The following AGO4 variants were observed in gnomAD, a reference collection of about 807,000 sequenced individuals.
AGO4 encodes argonaute RISC component 4, also known as protein argonaute-4.
Under a neutral mutation model 104.7 loss-of-function variants are expected in AGO4, and 33 were observed. That is an observed-to-expected ratio of 0.32 (90% CI 0.24 to 0.42). AGO4 has a LOEUF of 0.42. AGO4 is among the 10% of genes least tolerant of loss of function. The pLI, the probability that AGO4 is intolerant of heterozygous loss-of-function variation, is 1.00. For missense variants in AGO4, 711 were observed against 1,083.4 expected, an observed-to-expected ratio of 0.66 and a Z score of 4.83; for synonymous variants, 331 against 364.7, an observed-to-expected ratio of 0.91 and a Z score of 1.05.
In AGO4 at chr1:35,850,191, C is replaced by A; in HGVS notation, c.2210C>A (p.Thr737Lys). ...AGTGGCAATGTACCAGCAGGCACTA[C>A]AGTGGATAGTACCATCACACATCCA... Reference protein sequence around the residue: ...GKSGNVPAGTTVDSTITHPSE... With the variant: ...GKSGNVPAGTKVDSTITHPSE... The change falls in exon 16 of 18, where the codon ACA becomes AAA. Residue 737 changes from threonine to lysine, a missense_variant. This residue lies in a region of AGO4 where 401 missense variants were observed against 665.5 expected (regional missense o/e 0.60). Transcript: ENST00000373210. The A allele has an allele frequency of 6.2e-7, 1 of 1,611,712 alleles. No individual in the cohort carries two copies. Among genetic ancestry groups the A allele is most frequent in the East Asian group, 2.2e-5 (1 of 44,712 alleles).
rs1643382726 is a variant in AGO4 at position 35,808,652 on chromosome 1, G to T, written c.19+217G>T. 6.6e-6 allele frequency among the ~76,000 whole-genome samples: 1 copy of T among 152,122 alleles called. No individual in the cohort carries two copies. Among genetic ancestry groups the T allele is most frequent in the African/African-American group, 2.4e-5 (1 of 41,454 alleles). ...GTTGGGTGGATCCCGAGGTCCAGGGGGGAGGTTCGGGAAGGTGACCGGCGC... is the reference window on the plus strand; with the variant it reads ...GTTGGGTGGATCCCGAGGTCCAGGGTGGAGGTTCGGGAAGGTGACCGGCGC... On this transcript the variant is annotated intron_variant, in intron 1 of 17. Transcript: ENST00000373210. This position sits in a 1 kb window ranked among gnomAD's most constrained non-coding sequence, Gnocchi z 5.2.
intron 1 of AGO4, among the ~76,000 whole-genome samples, chr1:35,809,336 C>A (rs909928545): frequency 2.0e-5 from 3 of 152,172 alleles, no homozygotes; most frequent in Admixed American, 2.0e-4. Context: ...CTAAGTAGCT[C>A]AGTGTTTAGG....
At position 35,834,110 on chromosome 1, in the gene AGO4, G is replaced by C; in HGVS notation, c.1500G>C (p.Leu500=). 6.2e-7 allele frequency: 1 copy of C among 1,611,316 alleles called. No homozygotes were observed. The highest frequency in any genetic ancestry group is 8.5e-7 in the Non-Finnish European group (1 of 1,178,900). Residue 500 remains leucine (L), a synonymous_variant, in exon 12 of 18, where the codon CTG becomes CTC. Transcript: ENST00000373210. The stretch of plus-strand genomic sequence containing the variant: ...GTGTGGAGCCTATGTTTAAACATCT[G>C]AAAATGACTTATGTGGGCCTACAGC... The part of the protein sequence containing the change: ...ADSVEPMFKH[L]KMTYVGLQLI...
At chr1:35,838,060 A>G (rs1028339767) in intron 13 of AGO4, among the ~76,000 whole-genome samples, 1 of 149,030 alleles carries the variant, frequency 6.7e-6, no homozygotes, top group African/African-American at 2.5e-5. Context: ...TTATTTATTT[A>G]TGTATTTATT....
intron 7 of AGO4, among the ~76,000 whole-genome samples, chr1:35,827,683 A>G (rs1398153076): frequency 6.6e-6 from 1 of 151,994 alleles, no homozygotes; most frequent in African/African-American, 2.4e-5. Context: ...TCTTAAGTAG[A>G]GTATGTTAAA....
Position 35,837,309 on chromosome 1 carries a change from C to T in AGO4, c.1724+1316C>T, listed in dbSNP as rs183561344. The stretch of plus-strand genomic sequence containing the variant: ...ATGTTGGCCAGGCTGGACTTGAACT[C>T]CTGACCTCAAGTGATCCGCCTACCT... On this transcript the variant is annotated intron_variant, in intron 13 of 17. Transcript: ENST00000373210. 1.2e-3 allele frequency among the ~76,000 whole-genome samples: 179 copies of T among 152,030 alleles called. 4 individuals carry two copies. Among genetic ancestry groups the T allele is most frequent in the Non-Finnish European group, 6.2e-4 (42 of 67,974 alleles).
chr1:35,829,026 C>A (rs1052164136), intron 7 of AGO4, among the ~76,000 whole-genome samples: 1 of 149,566 alleles, frequency 6.7e-6, no homozygotes, highest in African/African-American at 2.4e-5. Flanking sequence ...TCAGAGCCCC[C>A]CCCCCCACAC....
chr1:35,836,985 G>A (rs942112730), intron 13 of AGO4, among the ~76,000 whole-genome samples: 3 of 152,216 alleles, frequency 2.0e-5, no homozygotes, highest in Middle Eastern at 3.4e-3. Flanking sequence ...GGGGATAATA[G>A]TATCTCATTA....
chr1:35,824,503 T>G (rs1334571981), intron 3 of AGO4, among the ~76,000 whole-genome samples: 3 of 152,022 alleles, frequency 2.0e-5, no homozygotes, highest in Admixed American at 1.3e-4. Context: ...AACATAAAAT[T>G]TACTATTTTT....
At position 35,808,355 on chromosome 1, in the gene AGO4, C is replaced by T. The variant is rs1374596783; in HGVS notation, c.-62C>T. The T allele has an allele frequency of 3.1e-6, 3 of 961,622 alleles. No homozygotes were observed. Among genetic ancestry groups the T allele is most frequent in the Non-Finnish European group, 3.7e-6 (3 of 804,784 alleles). The allele number at this position is 961,622 out of a possible 1,614,324, so 59.6% of individuals were successfully genotyped here. A position where few individuals can be genotyped will look rare whatever the true frequency, so the allele number is the denominator to read the frequency against. ...AAGCGTTACGCGGCGGCGGCGGCGG[C>T]GGCGGCGGGGCCCGGAGCGGGAGGC... On this transcript the variant is annotated 5_prime_UTR_variant, in exon 1 of 18. Transcript: ENST00000373210. This position sits in a 1 kb window ranked among gnomAD's most constrained non-coding sequence, Gnocchi z 5.2.
chr1:35,818,662 G>GAAAGAAAGA (rs1643801868), intron 2 of AGO4, among the ~76,000 whole-genome samples: 1 of 123,486 alleles, frequency 8.1e-6, no homozygotes, highest in African/African-American at 3.4e-5. Flanking sequence ...AGAAAGAAAG[G>GAAAGAAAGA]AAGAAAGGAA....
intron 8 of AGO4, 97 bp from the exon 9 acceptor site, chr1:35,831,715 T>A (rs1239848359): frequency 4.5e-6 from 7 of 1,551,834 alleles, no homozygotes; most frequent in Non-Finnish European, 6.1e-6. Flanking sequence ...AACCAAATTT[T>A]AATTTTTCTG....
At chr1:35,818,952 C>T (rs894739360) in intron 2 of AGO4, among the ~76,000 whole-genome samples, 13 of 152,064 alleles carry the variant, frequency 8.5e-5, no homozygotes, top group African/African-American at 3.1e-4. Flanking sequence ...AAATTAGACC[C>T]TAGCAGGTAA....
At chr1:35,850,801 AAAAAC>A in intron 16 of AGO4, 48 bp from the exon 17 acceptor site, 2 of 1,163,226 alleles carry the variant, frequency 1.7e-6, no homozygotes, top group Non-Finnish European at 2.3e-6. Flanking sequence ...AAAAAAAAAC[AAAAAC>A]AAAAAACGAA....
At chr1:35,807,978 C>G (rs1308281772), upstream of AGO4, among the ~76,000 whole-genome samples, 2 of 151,004 alleles carry the variant, frequency 1.3e-5, no homozygotes, top group Admixed American at 6.6e-5. Flanking sequence ...GCGTGCCCGA[C>G]ACGTCCACCG....
chr1:35,835,357 C>T (rs545853529), intron 12 of AGO4, among the ~76,000 whole-genome samples: 86 of 152,136 alleles, frequency 5.7e-4, no homozygotes, highest in Admixed American at 1.3e-3. Context: ...GTGGCTGGCC[C>T]CAGTTTTAAA....
At chr1:35,842,317 C>T (rs1644465574) in intron 15 of AGO4, among the ~76,000 whole-genome samples, 1 of 152,042 alleles carries the variant, frequency 6.6e-6, no homozygotes, top group Admixed American at 6.6e-5. Context: ...ATCTCCCCGC[C>T]GCTCCCCTAC....
chr1:35,815,082 T>C (rs1490412618), intron 1 of AGO4, among the ~76,000 whole-genome samples: 1 of 152,188 alleles, frequency 6.6e-6, no homozygotes, highest in African/African-American at 2.4e-5. Flanking sequence ...TTTACTATGC[T>C]GGCCAGGCTG....
In AGO4 at chr1:35,853,590, G is replaced by A. The variant is rs753767544; in HGVS notation, c.2571G>A (p.Thr857=). The change falls in exon 18 of 18, where the codon ACG becomes ACA. Residue 857 remains threonine (T), a synonymous_variant. Coordinates refer to ENST00000373210, the MANE Select transcript of AGO4 (RefSeq NM_017629.4). ...AAATCCACCATGATACCCAGCACAC[G>A]ATGTATTTTGCCTGAGAGTCTCAGA... ...AVQIHHDTQH[T]MYFA is the part of the protein sequence containing the mutation. 1.1e-5 allele frequency: 17 copies of A among 1,613,526 alleles called. No individual in the cohort carries two copies. Among genetic ancestry groups the A allele is most frequent in the African/African-American group, 4.0e-5 (3 of 74,862 alleles).
Sources: allele counts gnomAD v4.1 joint callset (sites outside exome capture counted in the v4.1 genomes callset), GRCh38; gene constraint gnomAD v4.1.1; regional missense constraint gnomAD v4.1.1; non-coding constraint Gnocchi (gnomAD v3.1); transcripts MANE v1.5; gene names NCBI Gene and HGNC (gene_info 2026-07-23, HGNC 2026-07-21).